EIF3M: variants seen among roughly 807,000 people sequenced by gnomAD.
The protein encoded by EIF3M is B5 receptor.
In EIF3M, 25 loss-of-function variants were observed where a neutral mutation model predicts 49.7. The observed-to-expected ratio is 0.50, with a 90% CI of 0.37 to 0.70. The LOEUF is 0.70. Ranked by LOEUF, EIF3M falls within the 30% of genes least tolerant of loss-of-function variation. The pLI is 0.00. For missense variants in EIF3M, 350 were observed against 440.0 expected (o/e 0.80, Z 1.83); for synonymous variants, 156 against 149.8 (o/e 1.04, Z -0.30).
At chr11:32,600,943 T>C (rs1471935426) in intron 9 of EIF3M, 111 bp downstream of exon 9, 3 of 1,382,444 alleles carry the variant, frequency 2.2e-6, no homozygotes, top group African/African-American at 1.5e-5. Flanking sequence ...GATTTGTTTA[T>C]AGCAGATGTG....
intron 1 of EIF3M, among the ~76,000 whole-genome samples, chr11:32,586,022 G>A (rs947439389): frequency 1.3e-5 from 2 of 152,188 alleles, no homozygotes; most frequent in Admixed American, 6.5e-5. Context: ...CGGAGGTCAG[G>A]TGTTTGAGAC....
rs1855302151 is a variant in EIF3M at position 32,603,337 on chromosome 11, G to A, written c.*938G>A. 8.7e-6 allele frequency: 2 copies of A among 230,680 alleles called. No individual in the cohort carries two copies. The highest frequency in any genetic ancestry group is 1.7e-5 in the Non-Finnish European group (2 of 120,760). The allele number at this position is 230,680 out of a possible 1,614,324, so 14.3% of individuals were successfully genotyped here. A position where few individuals can be genotyped will look rare whatever the true frequency, so the allele number is the denominator to read the frequency against. ...CAGTGAGATATTTGGAAGTTGGCAT[G>A]TTTTCAAGACACTGTATTGGGTAAT... On this transcript the variant is annotated 3_prime_UTR_variant, in exon 11 of 11. Transcript: ENST00000531120.
At chr11:32,594,807 G>A in intron 6 of EIF3M, 107 bp from the exon 7 acceptor site, 2 of 889,486 alleles carry the variant, frequency 2.2e-6, no homozygotes, top group South Asian at 1.8e-5. Context: ...ATATGTTTTG[G>A]ACTGTTAGAT....
intron 5 of EIF3M, among the ~76,000 whole-genome samples, chr11:32,591,632 C>T (rs977894211): frequency 6.6e-6 from 1 of 152,200 alleles, no homozygotes; most frequent in Non-Finnish European, 1.5e-5. Flanking sequence ...GTTTAAGCTG[C>T]AGTAACTTTT....
Position 32,602,737 on chromosome 11 carries a change from A to G in EIF3M, c.*338A>G, listed in dbSNP as rs563209933. 10 of 1,134,470 alleles carry G rather than the reference A, an allele frequency of 8.8e-6. No individual in the cohort carries two copies. Among genetic ancestry groups the G allele is most frequent in the Non-Finnish European group, 1.2e-5 (10 of 810,682 alleles). 70.3% of individuals were successfully genotyped at this position (1,134,470 alleles called of 1,614,324 possible). On this transcript the variant is annotated 3_prime_UTR_variant, in exon 11 of 11. Coordinates refer to ENST00000531120, the MANE Select transcript of EIF3M (RefSeq NM_006360.6). ...CAAACTGTAGAGCTTTAAATACAAC[A>G]GTCATTTTATTCTAGTAAAAACTAT... is the stretch of plus-strand genomic sequence containing the variant.
chr11:32,584,070 T>C, intron 1 of EIF3M, 141 bp downstream of exon 1: 1 of 1,170,200 alleles, frequency 8.5e-7, no homozygotes, highest in Non-Finnish European at 1.2e-6. Context: ...GGCCGGTGGC[T>C]GGGGCGCGCG....
At chr11:32,591,096 G>A (rs564578622) in intron 5 of EIF3M, among the ~76,000 whole-genome samples, 20 of 152,194 alleles carry the variant, frequency 1.3e-4, no homozygotes, top group African/African-American at 4.6e-4. Context: ...TGATCCTCCC[G>A]CCTCCGCCTC....
chr11:32,595,321 A>G (rs201860), intron 7 of EIF3M, among the ~76,000 whole-genome samples: 67,542 of 151,746 alleles, frequency 0.45, 15,481 homozygotes, highest in African/African-American at 0.49. Context: ...TGCCTCCCTG[A>G]TTTAAGCAAT....
intron 8 of EIF3M, among the ~76,000 whole-genome samples, chr11:32,596,420 C>T (rs181021271): frequency 6.9e-4 from 104 of 151,778 alleles, no homozygotes; most frequent in African/African-American, 2.5e-3. Context: ...ATGGTGAAAC[C>T]CTGTCTCTAC....
chr11:32,584,029 C>A, intron 1 of EIF3M, 100 bp downstream of exon 1: 1 of 1,489,768 alleles, frequency 6.7e-7, no homozygotes, highest in Non-Finnish European at 9.2e-7. Flanking sequence ...GGGGCTGACA[C>A]CCGCAGCTGT....
At position 32,602,846 on chromosome 11, in the gene EIF3M, C is replaced by G; in HGVS notation, c.*447C>G. The G allele has an allele frequency of 6.2e-7, 1 of 1,608,364 alleles. No homozygotes were observed. The highest frequency in any genetic ancestry group is 8.5e-7 in the Non-Finnish European group (1 of 1,177,722). On this transcript the variant is annotated 3_prime_UTR_variant, in exon 11 of 11. Coordinates refer to ENST00000531120, the MANE Select transcript of EIF3M (RefSeq NM_006360.6). ...CTGTTGTTTTTTTCCAACGTCTCTT[C>G]TGCTTTTCTTTTCTTTGGCTGGTTG...
chr11:32,592,204 A>G, intron 5 of EIF3M: 1 of 370,392 alleles, frequency 2.7e-6, no homozygotes, highest in Non-Finnish European at 5.1e-6. Flanking sequence ...CAACCCATAA[A>G]GTTGCTAGAT....
chr11:32,587,163 T>G lies in EIF3M; in HGVS notation c.175+19T>G. ...GATAAAGGTTTGTTTTTAATTTTTTTCTAATATTTCCTAATAAAATCTTTT... is the reference window on the plus strand; with the variant it reads ...GATAAAGGTTTGTTTTTAATTTTTTGCTAATATTTCCTAATAAAATCTTTT... On this transcript the variant is annotated intron_variant, in intron 2 of 10. Transcript: ENST00000531120. 1.3e-6 allele frequency: 2 copies of G among 1,545,426 alleles called. No individual in the cohort carries two copies. Among genetic ancestry groups the G allele is most frequent in the Non-Finnish European group, 1.7e-6 (2 of 1,146,654 alleles).
In EIF3M at chr11:32,583,873, G is replaced by A; in HGVS notation, c.-15G>A. On this transcript the variant is annotated 5_prime_UTR_variant, in exon 1 of 11. Transcript: ENST00000531120. ...GTCTTGCGAGTGGAGTGTCCGCTGT[G>A]CCCGGGCCTGCACCATGAGCGTCCC... 3 of 1,612,856 alleles carry A rather than the reference G, an allele frequency of 1.9e-6. No individual in the cohort carries two copies. Among genetic ancestry groups the A allele is most frequent in the African/African-American group, 1.3e-5 (1 of 75,032 alleles).
rs984970066 is a variant in EIF3M, at chr11:32,605,694, T to C, written c.*3295T>C. On this transcript the variant is annotated 3_prime_UTR_variant, in exon 11 of 11. Transcript: ENST00000531120. ...TTGCTGAGAGGGGTAGGAGCAGGGA[T>C]TGGCTTTAGAGAAACAAGATACAGT... 1 of 152,206 alleles carries C rather than the reference T, an allele frequency of 6.6e-6. No individual in the cohort carries two copies. Among genetic ancestry groups the C allele is most frequent in the African/African-American group, 2.4e-5 (1 of 41,436 alleles). 9.4% of individuals were successfully genotyped at this position (152,206 alleles called of 1,614,324 possible). A position where few individuals can be genotyped will look rare whatever the true frequency, so the allele number is the denominator to read the frequency against.
intron 6 of EIF3M, chr11:32,594,637 C>T: frequency 3.6e-6 from 1 of 278,586 alleles, no homozygotes. Context: ...AGTGTCTTGG[C>T]ATGTGGTTCT....
intron 3 of EIF3M, 76 bp downstream of exon 3, chr11:32,588,808 A>T: frequency 6.3e-7 from 1 of 1,589,506 alleles, no homozygotes; most frequent in Non-Finnish European, 8.6e-7. Flanking sequence ...GGTGCAGAGC[A>T]GGAATTCTGG....
At chr11:32,587,891 A>T (rs1855024993) in intron 2 of EIF3M, among the ~76,000 whole-genome samples, 1 of 152,218 alleles carries the variant, frequency 6.6e-6, no homozygotes, top group Non-Finnish European at 1.5e-5. Context: ...TATGATTAAT[A>T]TCTGTAATAC....
At chr11:32,599,930 CACATT>C (rs1311444446) in intron 8 of EIF3M, among the ~76,000 whole-genome samples, 1 of 151,542 alleles carries the variant, frequency 6.6e-6, no homozygotes, top group African/African-American at 2.4e-5. Flanking sequence ...CTAGGCCTAA[CACATT>C]GTTGTTATTT....
Sources: gnomAD v4.1 joint callset for allele counts (sites outside exome capture counted in the v4.1 genomes callset) on GRCh38, gnomAD v4.1.1 for gene constraint, MANE v1.5 for transcripts, NCBI Gene and HGNC (gene_info 2026-07-23, HGNC 2026-07-21) for gene names.